The following HIVEP2 variants were observed in gnomAD, a reference collection of about 807,000 sequenced individuals.
HIVEP2 encodes the protein HIVEP zinc finger 2.
Under a neutral mutation model 180.7 loss-of-function variants are expected in HIVEP2, and 14 were observed. That is an observed-to-expected ratio of 0.08 (90% CI 0.05 to 0.12). HIVEP2 has a LOEUF of 0.12. Ranked by LOEUF, HIVEP2 falls within the 10% of genes least tolerant of loss-of-function variation. The pLI is 1.00. For synonymous variants in HIVEP2, 1,184 were observed against 1,136.4 expected, an observed-to-expected ratio of 1.04 and a Z score of -0.84; for missense variants, 2,579 against 3,008.5, an observed-to-expected ratio of 0.86 and a Z score of 3.34.
At chr6:142,802,760 T>C (rs572227434) in intron 2 of HIVEP2, among the ~76,000 whole-genome samples, 56 of 152,220 alleles carry the variant, frequency 3.7e-4, no homozygotes, top group Middle Eastern at 3.4e-3. Context: ...CATGAACAGA[T>C]AGAATTTTCC....
Position 142,774,891 on chromosome 6 carries a change from A to C in HIVEP2, c.-153T>G. Reference sequence around the variant, plus strand: ...GCTCCTTCTCTTTGGAACCTTCCACACGCACACCACAGTCGATGGGCATTA... The same window carrying C: ...GCTCCTTCTCTTTGGAACCTTCCACCCGCACACCACAGTCGATGGGCATTA... On this transcript the variant is annotated 5_prime_UTR_variant, in exon 5 of 10. Transcript: ENST00000367603. This position sits in a 1 kb window ranked among gnomAD's most constrained non-coding sequence, Gnocchi z 5.1. The C allele has an allele frequency of 1.3e-6, 2 of 1,496,180 alleles. No individual in the cohort carries two copies. The highest frequency in any genetic ancestry group is 1.8e-6 in the Non-Finnish European group (2 of 1,131,948). 92.7% of individuals were successfully genotyped at this position (1,496,180 alleles called of 1,614,324 possible). A position where few individuals can be genotyped will look rare whatever the true frequency, so the allele number is the denominator to read the frequency against.
intron 1 of HIVEP2, among the ~76,000 whole-genome samples, chr6:142,857,683 T>TA (rs1227883605): frequency 2.0e-5 from 3 of 152,238 alleles, no homozygotes; most frequent in Non-Finnish European, 4.4e-5. Flanking sequence ...TGCTATTTTT[T>TA]ACCCCACCCA....
At chr6:142,791,851 C>CT (rs764633324) in intron 2 of HIVEP2, among the ~76,000 whole-genome samples, 4 of 152,020 alleles carry the variant, frequency 2.6e-5, no homozygotes, top group African/African-American at 4.8e-5. Context: ...AGCTTACTGT[C>CT]TAATGAGTAA....
Position 142,774,890 on chromosome 6 carries a change from C to A in HIVEP2, c.-152G>T. Reference sequence around the variant, plus strand: ...TGCTCCTTCTCTTTGGAACCTTCCACACGCACACCACAGTCGATGGGCATT... The same window carrying A: ...TGCTCCTTCTCTTTGGAACCTTCCAAACGCACACCACAGTCGATGGGCATT... On this transcript the variant is annotated 5_prime_UTR_variant, in exon 5 of 10. Transcript: ENST00000367603. This position sits in a 1 kb window ranked among gnomAD's most constrained non-coding sequence, Gnocchi z 5.1. 6.7e-7 allele frequency: 1 copy of A among 1,496,354 alleles called. No homozygotes were observed. Among genetic ancestry groups the A allele is most frequent in the Non-Finnish European group, 8.8e-7 (1 of 1,132,052 alleles). The allele number at this position is 1,496,354 out of a possible 1,614,324, so 92.7% of individuals were successfully genotyped here. A position where few individuals can be genotyped will look rare whatever the true frequency, so the allele number is the denominator to read the frequency against.
chr6:142,917,458 A>G (rs976944784), intron 1 of HIVEP2, among the ~76,000 whole-genome samples: 3 of 152,238 alleles, frequency 2.0e-5, no homozygotes, highest in African/African-American at 7.2e-5. Context: ...AGTGGCAACA[A>G]TTCTGAGTGC....
chr6:142,857,953 C>A (rs545229110), intron 1 of HIVEP2, among the ~76,000 whole-genome samples: 12 of 152,116 alleles, frequency 7.9e-5, no homozygotes, highest in Non-Finnish European at 1.0e-4. Flanking sequence ...AGGCAGCTGT[C>A]CCCCACCATT....
chr6:142,836,426 CACAGTGCA>C (rs1775224821), intron 2 of HIVEP2, among the ~76,000 whole-genome samples: 1 of 152,154 alleles, frequency 6.6e-6, no homozygotes, highest in South Asian at 2.1e-4. Context: ...TCCACAGCAG[CACAGTGCA>C]ACAAGGAAGC....
chr6:142,810,517 C>T (rs536551738), intron 2 of HIVEP2, among the ~76,000 whole-genome samples: 2 of 152,032 alleles, frequency 1.3e-5, no homozygotes, highest in East Asian at 3.8e-4. Context: ...AATCCCAGCA[C>T]TTTGGGAGGC....
At chr6:142,757,994 A>G (rs970263602) in intron 9 of HIVEP2, among the ~76,000 whole-genome samples, 1 of 152,180 alleles carries the variant, frequency 6.6e-6, no homozygotes, top group African/African-American at 2.4e-5. Flanking sequence ...GCTAGAACAC[A>G]AGCTGCAGGG....
At chr6:142,819,397 C>T (rs182260237) in intron 2 of HIVEP2, among the ~76,000 whole-genome samples, 2 of 152,210 alleles carry the variant, frequency 1.3e-5, no homozygotes, top group Admixed American at 1.3e-4. Flanking sequence ...TAAACCTCTA[C>T]CCCAGAAAAG....
At chr6:142,898,935 T>C (rs1160364644) in intron 1 of HIVEP2, among the ~76,000 whole-genome samples, 1 of 152,202 alleles carries the variant, frequency 6.6e-6, no homozygotes, top group Admixed American at 6.5e-5. Flanking sequence ...AATATTACTG[T>C]AATTGTCTGC....
intron 2 of HIVEP2, among the ~76,000 whole-genome samples, chr6:142,815,000 T>C (rs545244359): frequency 1.1e-4 from 16 of 152,238 alleles, no homozygotes; most frequent in Admixed American, 8.5e-4. Context: ...ATGGCCTTCT[T>C]GCTGCAACAG....
At chr6:142,930,930 C>G (rs899890950) in intron 1 of HIVEP2, among the ~76,000 whole-genome samples, 3 of 152,180 alleles carry the variant, frequency 2.0e-5, no homozygotes, top group Non-Finnish European at 1.5e-5. Context: ...AGAGCTAAAT[C>G]TAAAATGTAT....
chr6:142,878,554 C>T (rs1776502528), intron 1 of HIVEP2, among the ~76,000 whole-genome samples: 2 of 152,122 alleles, frequency 1.3e-5, no homozygotes, highest in African/African-American at 4.8e-5. Context: ...TCCATAACCC[C>T]ATGTGAAGTC....
Position 142,775,144 on chromosome 6 carries a change from CAA to C in HIVEP2, c.-387-21_-387-20del, listed in dbSNP as rs949712472. ...AAATGATCTGAAGAAAAAGAAAATA[CAA>C]AGAGATTGTCATAACAGTTTCAAAT... On this transcript the variant is annotated intron_variant, in intron 4 of 9. Transcript: ENST00000367603. The C allele has an allele frequency of 4.5e-5, 38 of 840,636 alleles. 2 individuals are homozygous for C. In the African/African-American group the frequency reaches 7.1e-4, roughly 16 times the overall value. The allele number at this position is 840,636 out of a possible 1,614,324, so 52.1% of individuals were successfully genotyped here.
intron 1 of HIVEP2, among the ~76,000 whole-genome samples, chr6:142,934,147 A>C (rs1205764899): frequency 6.6e-6 from 1 of 152,232 alleles, no homozygotes; most frequent in African/African-American, 2.4e-5. Flanking sequence ...TCACCAATGT[A>C]TTGCTGTATA....
intron 2 of HIVEP2, among the ~76,000 whole-genome samples, chr6:142,834,574 C>T (rs1361599831): frequency 6.6e-6 from 1 of 152,016 alleles, no homozygotes; most frequent in African/African-American, 2.4e-5. Flanking sequence ...GCTAATATCA[C>T]TTTAAAATGA....
rs1315338436 is a variant in HIVEP2 at position 142,753,357 on chromosome 6, C to T, written c.7091G>A (p.Ser2364Asn). Residue 2364 changes from serine to asparagine, a missense_variant, in exon 10 of 10, where the codon AGT (serine) becomes AAT (asparagine). Transcript: ENST00000367603. The part of the protein sequence containing the change: ...VQEPHQNPLG[S>N]AHVSIRHFSR... ...AAAGTGTCTAATGCTAACATGTGCACTTCCCAGGGGGTTCTGGTGGGGCTC... is the reference window on the plus strand; with the variant it reads ...AAAGTGTCTAATGCTAACATGTGCATTTCCCAGGGGGTTCTGGTGGGGCTC... 2 of 1,614,026 alleles carry T rather than the reference C, an allele frequency of 1.2e-6. No homozygotes were observed. Among genetic ancestry groups the T allele is most frequent in the Admixed American group, 1.7e-5 (1 of 60,002 alleles).
chr6:142,891,959 A>C (rs771579177), intron 1 of HIVEP2, among the ~76,000 whole-genome samples: 14 of 152,014 alleles, frequency 9.2e-5, no homozygotes, highest in Admixed American at 1.3e-4. Context: ...TTATTCTTTG[A>C]TCTTTTAGCT....
Sources: allele counts gnomAD v4.1 joint callset (sites outside exome capture counted in the v4.1 genomes callset), GRCh38; gene constraint gnomAD v4.1.1; non-coding constraint Gnocchi (gnomAD v3.1); transcripts MANE v1.5; gene names NCBI Gene and HGNC (gene_info 2026-07-23, HGNC 2026-07-21).